Variants in FRMD4B observed in about 807,000 individuals in gnomAD.
FRMD4B encodes the protein FERM domain-containing protein 4B.
In FRMD4B, 74 loss-of-function variants were observed where a neutral mutation model predicts 141.5. That is an observed-to-expected ratio of 0.52 (90% confidence interval 0.43 to 0.63). The LOEUF (loss-of-function observed/expected upper bound fraction) is 0.63. FRMD4B is among the 30% of genes least tolerant of loss of function. The pLI is 0.00. For missense variants in FRMD4B, 1,366 were observed against 1,253.4 expected, an observed-to-expected ratio of 1.09 and a Z score of -1.36; for synonymous variants, 506 against 467.9, an observed-to-expected ratio of 1.08 and a Z score of -1.05.
chr3:69,436,281 C>G (rs1017408157), intron 1 of FRMD4B, among the ~76,000 whole-genome samples: 4 of 152,072 alleles, frequency 2.6e-5, no homozygotes, highest in Non-Finnish European at 5.9e-5. Context: ...TTGGGAAATG[C>G]TGAAATACTA....
chr3:69,211,589 C>T (rs184607081), intron 11 of FRMD4B, among the ~76,000 whole-genome samples: 20 of 152,306 alleles, frequency 1.3e-4, no homozygotes, highest in Admixed American at 8.5e-4. Context: ...AACAGCCTTT[C>T]GGCATCAGTT....
intron 1 of FRMD4B, among the ~76,000 whole-genome samples, chr3:69,521,183 C>T (rs1434424861): frequency 1.3e-5 from 2 of 151,470 alleles, no homozygotes; most frequent in Non-Finnish European, 2.9e-5. Context: ...CCCTCCCACA[C>T]AGCAGATGTG....
intron 1 of FRMD4B, among the ~76,000 whole-genome samples, chr3:69,522,227 C>T (rs1037269155): frequency 2.0e-5 from 3 of 152,052 alleles, no homozygotes; most frequent in African/African-American, 4.8e-5. Flanking sequence ...GCTTTCTCAT[C>T]GTTTCCAGAT....
At chr3:69,183,198 T>C (rs2092727156) in intron 19 of FRMD4B, among the ~76,000 whole-genome samples, 2 of 152,200 alleles carry the variant, frequency 1.3e-5, no homozygotes, top group Non-Finnish European at 1.5e-5. Context: ...ATGGATAATA[T>C]GTAAGAGAAT....
intron 2 of FRMD4B, among the ~76,000 whole-genome samples, chr3:69,420,924 G>A (rs1406361868): frequency 1.3e-5 from 2 of 152,222 alleles, no homozygotes; most frequent in African/African-American, 4.8e-5. Context: ...TGAGAACACT[G>A]GACTTGGCAA....
At chr3:69,490,725 C>A (rs1350624000) in intron 1 of FRMD4B, among the ~76,000 whole-genome samples, 3 of 152,144 alleles carry the variant, frequency 2.0e-5, no homozygotes, top group Admixed American at 2.0e-4. Context: ...TACTGTGTAT[C>A]TTCCTCACTA....
chr3:69,379,901 G>T (rs1704069948), intron 1 of FRMD4B, among the ~76,000 whole-genome samples: 1 of 152,214 alleles, frequency 6.6e-6, no homozygotes, highest in African/African-American at 2.4e-5. Flanking sequence ...CAAGAGGCAA[G>T]CCCGACTTTG....
intron 1 of FRMD4B, among the ~76,000 whole-genome samples, chr3:69,460,103 C>T (rs536797304): frequency 5.3e-5 from 8 of 152,300 alleles, no homozygotes; most frequent in Admixed American, 1.3e-4. Context: ...CACAGCCTTT[C>T]GCTTCAGAGA....
chr3:69,175,331 C>T (rs1559682186), intron 22 of FRMD4B, among the ~76,000 whole-genome samples: 2 of 152,178 alleles, frequency 1.3e-5, no homozygotes, highest in African/African-American at 2.4e-5. Context: ...GGAGACACGA[C>T]CTCTTCAAAC....
At chr3:69,237,850 C>T (rs890227260) in intron 7 of FRMD4B, among the ~76,000 whole-genome samples, 9 of 152,204 alleles carry the variant, frequency 5.9e-5, no homozygotes, top group Non-Finnish European at 8.8e-5. Context: ...CCTGCCTCAG[C>T]CTCCTAAGTA....
chr3:69,341,279 A>C (rs1702730479), intron 1 of FRMD4B, among the ~76,000 whole-genome samples: 1 of 143,264 alleles, frequency 7.0e-6, no homozygotes, highest in African/African-American at 3.0e-5. Flanking sequence ...GTGGTTACTG[A>C]AAAAAATCTC....
chr3:69,186,032 ACT>A (rs1456731287), intron 19 of FRMD4B, among the ~76,000 whole-genome samples: 4 of 149,762 alleles, frequency 2.7e-5, no homozygotes, highest in African/African-American at 7.4e-5. Context: ...ACAGAGCAAG[ACT>A]CTGTCTCAAA....
chr3:69,450,417 T>C (rs1167058248), intron 1 of FRMD4B, among the ~76,000 whole-genome samples: 1 of 151,840 alleles, frequency 6.6e-6, no homozygotes, highest in African/African-American at 2.4e-5. Flanking sequence ...TGAGCTCAGG[T>C]TCATTCCAGC....
At chr3:69,187,940 T>A in intron 18 of FRMD4B, 23 bp from the exon 19 acceptor site, 1 of 1,430,276 alleles carries the variant, frequency 7.0e-7, no homozygotes, top group African/African-American at 1.4e-5. Flanking sequence ...AATGGGTGAA[T>A]GAAAAAATAA....
At chr3:69,238,583 A>G (rs1575644813) in intron 7 of FRMD4B, among the ~76,000 whole-genome samples, 1 of 152,304 alleles carries the variant, frequency 6.6e-6, no homozygotes, top group East Asian at 1.9e-4. Flanking sequence ...CAGGAGTTTG[A>G]GATCAGCCTA....
chr3:69,431,630 T>C (rs1705181575), intron 2 of FRMD4B, among the ~76,000 whole-genome samples: 1 of 152,206 alleles, frequency 6.6e-6, no homozygotes, highest in African/African-American at 2.4e-5. Flanking sequence ...TAGGTTTTAA[T>C]ATCACCCGCA....
chr3:69,171,850 CCAA>C lies in FRMD4B; in HGVS notation c.*8_*10del, dbSNP rs2092590030. On this transcript the variant is annotated 3_prime_UTR_variant, in exon 23 of 23. Coordinates refer to ENST00000398540, the MANE Select transcript of FRMD4B (RefSeq NM_015123.3). ...AGAACGCAGTGCTTGGTCAGGAGGT[CCAA>C]CTGCAGTTCAGACTAATGTTCCAGG... The C allele has an allele frequency of 1.2e-6, 2 of 1,609,722 alleles. No homozygotes were observed. Among genetic ancestry groups the C allele is most frequent in the Non-Finnish European group, 1.7e-6 (2 of 1,176,920 alleles).
chr3:69,225,085 A>G (rs1001337766), intron 7 of FRMD4B, among the ~76,000 whole-genome samples: 5 of 152,202 alleles, frequency 3.3e-5, no homozygotes, highest in Non-Finnish European at 5.9e-5. Context: ...TTCACATAAC[A>G]TCAACAATTT....
intron 1 of FRMD4B, among the ~76,000 whole-genome samples, chr3:69,533,249 G>C (rs936727610): frequency 1.3e-5 from 2 of 152,206 alleles, no homozygotes; most frequent in African/African-American, 4.8e-5. Flanking sequence ...AGGCTCTTGG[G>C]AGAGAAAGGC....
Sources: gnomAD v4.1 joint callset for allele counts (sites outside exome capture counted in the v4.1 genomes callset) on GRCh38, gnomAD v4.1.1 for gene constraint, MANE v1.5 for transcripts, NCBI Gene and HGNC (gene_info 2026-07-23, HGNC 2026-07-21) for gene names.